The following GNAQ variants were observed in gnomAD, a reference collection of about 807,000 sequenced individuals.
GNAQ encodes the protein guanine nucleotide-binding protein G(q) subunit alpha.
A neutral mutation model predicts 43.9 loss-of-function variants in GNAQ; 8 were observed. That is an observed-to-expected ratio of 0.18 (90% confidence interval 0.11 to 0.33). GNAQ has a LOEUF of 0.33. Among genes scored for constraint, GNAQ ranks in the 10% least tolerant of loss-of-function variants. GNAQ has a pLI of 1.00. For missense variants in GNAQ, 158 were observed against 450.8 expected (o/e 0.35, Z 5.88); for synonymous variants, 155 against 170.7 (o/e 0.91, Z 0.71).
At chr9:77,777,051 T>C (rs536174981) in intron 5 of GNAQ, among the ~76,000 whole-genome samples, 22 of 152,184 alleles carry the variant, frequency 1.4e-4, no homozygotes, top group African/African-American at 4.3e-4. Flanking sequence ...ATCAGTGTAA[T>C]AGAACTGAGA....
intron 1 of GNAQ, among the ~76,000 whole-genome samples, chr9:77,983,153 T>C (rs1420574303): frequency 6.6e-6 from 1 of 152,196 alleles, no homozygotes; most frequent in African/African-American, 2.4e-5. Flanking sequence ...ACTGCCTACA[T>C]AGAAACTGGC....
chr9:77,732,215 C>G (rs1825502211), intron 5 of GNAQ, among the ~76,000 whole-genome samples: 1 of 152,126 alleles, frequency 6.6e-6, no homozygotes, highest in African/African-American at 2.4e-5. Context: ...AATGTACGAG[C>G]CACGTGTATG....
chr9:77,890,478 C>T (rs1309676667), intron 2 of GNAQ, among the ~76,000 whole-genome samples: 1 of 152,152 alleles, frequency 6.6e-6, no homozygotes, highest in African/African-American at 2.4e-5. Context: ...AATCCTAGCA[C>T]TTTGGGAGGC....
intron 2 of GNAQ, among the ~76,000 whole-genome samples, chr9:77,865,441 G>C (rs953046811): frequency 4.6e-5 from 7 of 152,208 alleles, no homozygotes; most frequent in African/African-American, 1.7e-4. Context: ...GACTAGGTTA[G>C]ATATCAGCCT....
chr9:78,018,466 G>C (rs1823865754), intron 1 of GNAQ, among the ~76,000 whole-genome samples: 1 of 152,060 alleles, frequency 6.6e-6, no homozygotes, highest in Admixed American at 6.6e-5. Flanking sequence ...TGCATTATTT[G>C]TAAAATTTCA....
At chr9:77,935,835 C>T (rs1244814271) in intron 1 of GNAQ, among the ~76,000 whole-genome samples, 1 of 152,168 alleles carries the variant, frequency 6.6e-6, no homozygotes, top group Non-Finnish European at 1.5e-5. Context: ...GCAGGAGTCT[C>T]TCTTCCCATC....
rs774579007 is a variant in GNAQ, at chr9:78,009,833, G to A, written c.136+21267C>T. Among the ~76,000 whole-genome samples, 4 of 151,906 alleles carry A rather than the reference G, an allele frequency of 2.6e-5. No homozygotes were observed. The East Asian group carries it at 7.7e-4, about 29-fold the overall frequency. On this transcript the variant is annotated intron_variant, in intron 1 of 6. Transcript: ENST00000286548. ...CTCTCAGAATTGAAAAAAAATCCAA[G>A]CAAATACATGATAAAGGGAAAAGGA...
At chr9:77,944,059 C>G (rs1350634081) in intron 1 of GNAQ, among the ~76,000 whole-genome samples, 1 of 151,904 alleles carries the variant, frequency 6.6e-6, no homozygotes, top group Non-Finnish European at 1.5e-5. Flanking sequence ...AAAATATGTT[C>G]CTCATATATT....
At chr9:77,879,456 A>C (rs1234794280) in intron 2 of GNAQ, among the ~76,000 whole-genome samples, 2 of 151,978 alleles carry the variant, frequency 1.3e-5, no homozygotes, top group African/African-American at 4.8e-5. Context: ...ACTGGGTTTC[A>C]CCACGTTGGC....
chr9:77,892,320 C>A (rs777815010), intron 2 of GNAQ, among the ~76,000 whole-genome samples: 8 of 152,188 alleles, frequency 5.3e-5, no homozygotes, highest in Non-Finnish European at 1.0e-4. Flanking sequence ...TTCTATCACT[C>A]CCTATGCCAT....
intron 1 of GNAQ, among the ~76,000 whole-genome samples, chr9:77,924,159 C>G (rs544033153): frequency 6.6e-6 from 1 of 152,120 alleles, no homozygotes; most frequent in South Asian, 2.1e-4. Flanking sequence ...AATGCTATCA[C>G]CCCAGTTTAA....
chr9:78,018,846 T>C (rs1823870743), intron 1 of GNAQ, among the ~76,000 whole-genome samples: 1 of 152,190 alleles, frequency 6.6e-6, no homozygotes, highest in African/African-American at 2.4e-5. Flanking sequence ...TAGAAATCAT[T>C]GTGTCAACCC....
At chr9:77,774,864 A>C (rs1826283513) in intron 5 of GNAQ, among the ~76,000 whole-genome samples, 2 of 152,218 alleles carry the variant, frequency 1.3e-5, no homozygotes, top group South Asian at 4.1e-4. Flanking sequence ...TTCATGTAAA[A>C]ATTTAAAAAT....
rs1825225777 is a variant in GNAQ at position 77,716,221 on chromosome 9, G to A, written c.*5102C>T. ...ATACAAAACATTCTGAGAGGGGCTC[G>A]GGCAACTTTAATGGAAGCAAAACTC... On this transcript the variant is annotated 3_prime_UTR_variant, in exon 7 of 7. Coordinates refer to ENST00000286548, the MANE Select transcript of GNAQ (RefSeq NM_002072.5). 1 of 215,846 alleles carries A rather than the reference G, an allele frequency of 4.6e-6. No homozygotes were observed. The highest frequency in any genetic ancestry group is 9.3e-6 in the Non-Finnish European group (1 of 107,380). 13.4% of individuals were successfully genotyped at this position (215,846 alleles called of 1,614,324 possible).
chr9:77,876,471 T>C (rs1587380850), intron 2 of GNAQ, among the ~76,000 whole-genome samples: 3 of 152,368 alleles, frequency 2.0e-5, no homozygotes, highest in Admixed American at 6.5e-5. Flanking sequence ...GTAATGTACA[T>C]AGAGCACTTG....
At chr9:77,821,114 TTTCA>T (rs1359747651) in intron 2 of GNAQ, among the ~76,000 whole-genome samples, 1 of 152,218 alleles carries the variant, frequency 6.6e-6, no homozygotes, top group Non-Finnish European at 1.5e-5. Flanking sequence ...CCACATATCC[TTTCA>T]TTAAGACTTC....
intron 6 of GNAQ, among the ~76,000 whole-genome samples, chr9:77,721,934 C>T (rs534613058): frequency 1.3e-5 from 2 of 152,196 alleles, no homozygotes; most frequent in South Asian, 4.2e-4. Flanking sequence ...GTCAATCTGT[C>T]CTCCAAACGA....
At chr9:77,808,204 C>A (rs1414588010) in intron 3 of GNAQ, among the ~76,000 whole-genome samples, 2 of 152,012 alleles carry the variant, frequency 1.3e-5, no homozygotes, top group East Asian at 3.9e-4. Context: ...CTAAACCCAG[C>A]CCTTTTTCCT....
At chr9:77,764,690 C>T (rs1186284) in intron 5 of GNAQ, among the ~76,000 whole-genome samples, 5 of 152,090 alleles carry the variant, frequency 3.3e-5, no homozygotes, top group East Asian at 1.9e-4. Context: ...CTCCTGACCT[C>T]GTGATCCGCC....
Sources: allele counts gnomAD v4.1 joint callset (sites outside exome capture counted in the v4.1 genomes callset), GRCh38; gene constraint gnomAD v4.1.1; transcripts MANE v1.5; gene names NCBI Gene and HGNC (gene_info 2026-07-23, HGNC 2026-07-21).